The following CPD variants were observed in gnomAD, a reference collection of about 807,000 sequenced individuals.
CPD encodes carboxypeptidase D.
A neutral mutation model predicts 138.3 loss-of-function variants in CPD; 69 were observed. The observed-to-expected ratio is 0.50, with a 90% confidence interval of 0.41 to 0.61. The LOEUF (loss-of-function observed/expected upper bound fraction) is 0.61, where lower values mean the gene tolerates loss of function less well. CPD is among the 20% of genes least tolerant of loss of function. CPD has a pLI of 0.00. For synonymous variants in CPD, 651 were observed against 642.1 expected (o/e 1.01, Z -0.21); for missense variants, 1,432 against 1,733.3 (o/e 0.83, Z 3.09).
chr17:30,423,062 C>A, intron 5 of CPD, 39 bp downstream of exon 5: 2 of 1,441,440 alleles, frequency 1.4e-6, no homozygotes, highest in South Asian at 1.3e-5. Context: ...CAGTAGTGCC[C>A]CTCAAAGCCA....
At chr17:30,410,398 T>C (rs909635987) in intron 2 of CPD, among the ~76,000 whole-genome samples, 1 of 152,178 alleles carries the variant, frequency 6.6e-6, no homozygotes, top group South Asian at 2.1e-4. Flanking sequence ...CTGAGTTCAA[T>C]TCCTGGATAT....
intron 2 of CPD, among the ~76,000 whole-genome samples, chr17:30,417,841 G>A (rs1464018098): frequency 1.3e-5 from 2 of 151,776 alleles, no homozygotes; most frequent in Admixed American, 1.3e-4. Context: ...TTATGCTTTG[G>A]AAAGCCACGG....
intron 7 of CPD, among the ~76,000 whole-genome samples, chr17:30,430,064 A>G (rs1912520779): frequency 6.6e-6 from 1 of 152,194 alleles, no homozygotes. Context: ...TTTCCCTGCC[A>G]TCTTTATAAT....
chr17:30,443,543 T>C (rs1334654087), intron 10 of CPD, among the ~76,000 whole-genome samples: 1 of 152,246 alleles, frequency 6.6e-6, no homozygotes, highest in Non-Finnish European at 1.5e-5. Context: ...GAATGTCATA[T>C]ATTCTGAAAT....
In CPD at chr17:30,379,789, A is replaced by AC; in HGVS notation, c.746+66dup. 1 of 1,188,116 alleles carries AC rather than the reference A, an allele frequency of 8.4e-7. No individual in the cohort carries two copies. Among genetic ancestry groups the AC allele is most frequent in the South Asian group, 2.0e-5 (1 of 49,986 alleles). The allele number at this position is 1,188,116 out of a possible 1,614,324, so 73.6% of individuals were successfully genotyped here. A position where few individuals can be genotyped will look rare whatever the true frequency, so the allele number is the denominator to read the frequency against. ...TCCAAGGGCCGAGGCTGGTTCCGGCACCCAGTAGGCGCTCAGACAATGCTG... is the reference window on the plus strand; with the variant it reads ...TCCAAGGGCCGAGGCTGGTTCCGGCACCCCAGTAGGCGCTCAGACAATGCTG... On this transcript the variant is annotated intron_variant, in intron 1 of 20. Transcript: ENST00000225719. This position sits in a 1 kb window ranked among gnomAD's most constrained non-coding sequence, Gnocchi z 7.0.
chr17:30,438,775 G>A (rs1169674283), intron 8 of CPD, among the ~76,000 whole-genome samples, 200 bp from the exon 9 acceptor site: 1 of 152,056 alleles, frequency 6.6e-6, no homozygotes, highest in East Asian at 1.9e-4. Context: ...AAATAGATAA[G>A]TTCAGATAGT....
In CPD at chr17:30,465,083, G is replaced by A. The variant is rs1913599337; in HGVS notation, c.*269G>A. 2.1e-5 allele frequency: 8 copies of A among 384,070 alleles called. No individual in the cohort carries two copies. The highest frequency in any genetic ancestry group is 3.8e-5 in the Non-Finnish European group (8 of 208,140). The allele number at this position is 384,070 out of a possible 1,614,324, so 23.8% of individuals were successfully genotyped here. ...TTTAATTTAAGATGAGCTATTTGGA[G>A]CTTATGTAATAATGGCATAAAGCCA... On this transcript the variant is annotated 3_prime_UTR_variant, in exon 21 of 21. Transcript: ENST00000225719.
intron 7 of CPD, among the ~76,000 whole-genome samples, chr17:30,429,218 T>C (rs1912501152): frequency 6.6e-6 from 1 of 152,226 alleles, no homozygotes; most frequent in Non-Finnish European, 1.5e-5. Context: ...ATTTTATGTG[T>C]TTAATGCTAT....
In CPD at chr17:30,418,747, T is replaced by A. The variant is rs146919132; in HGVS notation, c.995-2094T>A. Among the ~76,000 whole-genome samples, 175 of 152,302 alleles carry A rather than the reference T, an allele frequency of 1.1e-3. 2 individuals carry two copies. In the East Asian group the frequency reaches 0.03, roughly 26 times the overall value. On this transcript the variant is annotated intron_variant, in intron 2 of 20. Transcript: ENST00000225719. ...CAAAACGCTTGGCGTTATTTGTAAG[T>A]GCTGAATTAACATGGATGAACATGA...
intron 2 of CPD, among the ~76,000 whole-genome samples, chr17:30,420,405 T>C (rs999441879): frequency 6.6e-6 from 1 of 152,232 alleles, no homozygotes; most frequent in Non-Finnish European, 1.5e-5. Context: ...CTTTCTGTTA[T>C]AAATCTTAAT....
intron 1 of CPD, chr17:30,380,735 A>T (rs1248318303): frequency 2.3e-6 from 2 of 876,404 alleles, no homozygotes; most frequent in Non-Finnish European, 1.7e-6. Flanking sequence ...TCTGTGGAAG[A>T]GGTAGAGCTT....
chr17:30,413,577 A>G (rs768555523), intron 2 of CPD, among the ~76,000 whole-genome samples: 4 of 152,178 alleles, frequency 2.6e-5, no homozygotes, highest in Admixed American at 1.3e-4. Context: ...ACCTCCTTTT[A>G]TTCATTTAAC....
chr17:30,463,717 G>T (rs760220661), intron 20 of CPD, among the ~76,000 whole-genome samples: 1 of 152,192 alleles, frequency 6.6e-6, no homozygotes, highest in South Asian at 2.1e-4. Context: ...ACCCTTAGTT[G>T]AGAGAAAGTA....
intron 11 of CPD, among the ~76,000 whole-genome samples, chr17:30,444,466 C>A (rs1394520328): frequency 6.7e-6 from 1 of 149,966 alleles, no homozygotes; most frequent in Non-Finnish European, 1.5e-5. Context: ...TTTTAATTTG[C>A]TAAATACAGG....
chr17:30,391,086 T>C (rs1233693157), intron 2 of CPD, among the ~76,000 whole-genome samples: 1 of 149,266 alleles, frequency 6.7e-6, no homozygotes, highest in Admixed American at 6.7e-5. Flanking sequence ...TGCCTCGCCC[T>C]CCCAAAGTGC....
chr17:30,437,450 C>T (rs1211138335), intron 8 of CPD, among the ~76,000 whole-genome samples: 1 of 151,944 alleles, frequency 6.6e-6, no homozygotes, highest in Non-Finnish European at 1.5e-5. Flanking sequence ...TTTGGGAGGC[C>T]GAGGTGGGCA....
chr17:30,389,804 CTT>C (rs889756372), intron 2 of CPD, among the ~76,000 whole-genome samples: 3 of 152,204 alleles, frequency 2.0e-5, no homozygotes, highest in Non-Finnish European at 4.4e-5. Flanking sequence ...CAACTTTTCT[CTT>C]GTTTCAGCTG....
chr17:30,389,123 A>G (rs1245576194), intron 2 of CPD, among the ~76,000 whole-genome samples: 2 of 152,150 alleles, frequency 1.3e-5, no homozygotes, highest in African/African-American at 4.8e-5. Flanking sequence ...GCCTGACCCC[A>G]TTACGGCAGC....
chr17:30,439,073 GC>G lies in CPD; in HGVS notation c.2228del (p.Pro743GlnfsTer17). 1.3e-6 allele frequency: 2 copies of G among 1,569,346 alleles called. No homozygotes were observed. The highest frequency in any genetic ancestry group is 1.7e-6 in the Non-Finnish European group (2 of 1,158,076). On this transcript the variant is annotated frameshift_variant, in exon 9 of 21. Coordinates refer to ENST00000225719, the MANE Select transcript of CPD (RefSeq NM_001304.5). LOFTEE classifies it high-confidence loss of function. ...ITNGASWYNV[P>X]GGMQDWNYLQ... ...CAAATGGAGCTAGTTGGTATAATGT[GC>G]CAGGTAAAGATTCTTTTATATCAAG...
Sources: gnomAD v4.1 joint callset for allele counts (sites outside exome capture counted in the v4.1 genomes callset) on GRCh38, gnomAD v4.1.1 for gene constraint, Gnocchi (gnomAD v3.1) non-coding constraint, MANE v1.5 for transcripts, NCBI Gene and HGNC (gene_info 2026-07-23, HGNC 2026-07-21) for gene names.